Variants in ADAM12 observed in about 807,000 individuals in gnomAD.
ADAM12 encodes the protein disintegrin and metalloproteinase domain-containing protein 12.
ADAM12 carries 70 observed loss-of-function variants against 106.4 expected under a neutral mutation model. That is an observed-to-expected ratio of 0.66 (90% CI 0.54 to 0.80). The LOEUF (loss-of-function observed/expected upper bound fraction) is 0.80. Among genes scored for constraint, ADAM12 ranks in the 30% least tolerant of loss-of-function variants. ADAM12 has a pLI of 0.00. For synonymous variants in ADAM12, 420 were observed against 433.5 expected (o/e 0.97, Z 0.39); for missense variants, 1,010 against 1,171.9 (o/e 0.86, Z 2.02).
At position 126,049,215 on chromosome 10, in the gene ADAM12, A is replaced by T. The variant is rs756562372; in HGVS notation, c.1917+38T>A. On this transcript the variant is annotated intron_variant, in intron 16 of 22. Transcript: ENST00000448723. The surrounding 1 kb of genome is among the most constrained non-coding windows in gnomAD (Gnocchi z 4.4). The stretch of plus-strand genomic sequence containing the variant: ...TGTTTTTCAATGGGCCCTGTTCCAG[A>T]CTTACATTTATGATCCAAGCAAACA... The T allele has an allele frequency of 5.6e-6, 9 of 1,610,526 alleles. No individual in the cohort carries two copies. The South Asian group carries it at 9.9e-5, about 18-fold the overall frequency.
intron 3 of ADAM12, among the ~76,000 whole-genome samples, chr10:126,210,733 G>A (rs1395202265): frequency 1.3e-5 from 2 of 152,172 alleles, no homozygotes; most frequent in African/African-American, 4.8e-5. Flanking sequence ...AGTGAAACCT[G>A]CACTGGAGGA....
intron 11 of ADAM12, 134 bp downstream of exon 11, chr10:126,093,850 TG>T: frequency 7.3e-7 from 1 of 1,376,340 alleles, no homozygotes; most frequent in Non-Finnish European, 1.0e-6. Context: ...CCTTGCTTCT[TG>T]GGAAGGAATT....
At chr10:126,033,929 C>T (rs755523656) in intron 21 of ADAM12, among the ~76,000 whole-genome samples, 1 of 152,168 alleles carries the variant, frequency 6.6e-6, no homozygotes, top group Non-Finnish European at 1.5e-5. Flanking sequence ...AATTTGTCAC[C>T]TACAGATTTG....
intron 4 of ADAM12, among the ~76,000 whole-genome samples, chr10:126,148,704 CAGATGAA>C (rs1956674127): frequency 6.6e-6 from 1 of 152,160 alleles, no homozygotes; most frequent in Non-Finnish European, 1.5e-5. Flanking sequence ...TCCACAGAGT[CAGATGAA>C]GATCAAAATA....
intron 1 of ADAM12, among the ~76,000 whole-genome samples, chr10:126,345,470 T>G (rs975976122): frequency 5.9e-5 from 9 of 152,222 alleles, no homozygotes; most frequent in Non-Finnish European, 5.9e-5. Context: ...TCAGGGATAT[T>G]GGTCTAAAAT....
intron 6 of ADAM12, among the ~76,000 whole-genome samples, chr10:126,112,563 C>T (rs1414103348): frequency 6.6e-6 from 1 of 152,096 alleles, no homozygotes; most frequent in Admixed American, 6.6e-5. Context: ...CTCTCAAAGT[C>T]ATCACAGCCA....
rs117193973 is a variant in ADAM12 at position 126,192,353 on chromosome 10, C to T, written c.261-37048G>A. ...AATAAGTTATAGTTATTACTAACAA[C>T]AAACATACATTGAGCACCCTGTCTG... On this transcript the variant is annotated intron_variant, in intron 3 of 22. Transcript: ENST00000448723. 2.6e-3 allele frequency among the ~76,000 whole-genome samples: 399 copies of T among 152,290 alleles called. 2 individuals are homozygous for T. Among genetic ancestry groups the T allele is most frequent in the African/African-American group, 5.3e-3 (222 of 41,570 alleles).
intron 3 of ADAM12, among the ~76,000 whole-genome samples, chr10:126,205,659 T>G (rs1435104778): frequency 6.6e-6 from 1 of 152,252 alleles, no homozygotes; most frequent in Non-Finnish European, 1.5e-5. Flanking sequence ...ATGCACTCAT[T>G]GCAGTTTCCA....
chr10:126,295,477 G>A (rs867887714), intron 2 of ADAM12, among the ~76,000 whole-genome samples: 5 of 151,772 alleles, frequency 3.3e-5, no homozygotes, highest in Admixed American at 1.3e-4. Context: ...AAACACTACT[G>A]TTCTTACAAT....
intron 3 of ADAM12, among the ~76,000 whole-genome samples, chr10:126,202,263 G>A (rs1957716193): frequency 6.6e-6 from 1 of 152,174 alleles, no homozygotes; most frequent in Non-Finnish European, 1.5e-5. Flanking sequence ...AAATAAACAG[G>A]GCATACCATA....
intron 18 of ADAM12, chr10:126,041,229 CACAAGTACTTGTTTA>C: frequency 1.6e-6 from 1 of 619,814 alleles, no homozygotes; most frequent in Non-Finnish European, 2.0e-6. Flanking sequence ...GTGGCAGACA[CACAAGTACTTGTTTA>C]ATGAGCCCCT....
chr10:126,185,952 G>A (rs985202482), intron 3 of ADAM12, among the ~76,000 whole-genome samples: 1 of 152,162 alleles, frequency 6.6e-6, no homozygotes, highest in Non-Finnish European at 1.5e-5. Flanking sequence ...TCCAAAGTTT[G>A]ATGATATTTT....
intron 3 of ADAM12, among the ~76,000 whole-genome samples, chr10:126,205,094 C>T (rs572728349): frequency 6.6e-6 from 1 of 152,240 alleles, no homozygotes; most frequent in South Asian, 2.1e-4. Flanking sequence ...ATAGCTAATA[C>T]TGTGTGATCT....
intron 21 of ADAM12, among the ~76,000 whole-genome samples, chr10:126,033,995 G>A (rs1423976291): frequency 1.3e-5 from 2 of 152,142 alleles, no homozygotes; most frequent in African/African-American, 4.8e-5. Context: ...GCAAAGTTAA[G>A]TTTTAAAGAT....
At chr10:126,294,677 C>T (rs1419971266) in intron 2 of ADAM12, among the ~76,000 whole-genome samples, 1 of 151,960 alleles carries the variant, frequency 6.6e-6, no homozygotes, top group African/African-American at 2.4e-5. Flanking sequence ...AGCTAACAGA[C>T]GTAGCACGTG....
intron 3 of ADAM12, among the ~76,000 whole-genome samples, chr10:126,183,316 C>T (rs1423419445): frequency 6.6e-6 from 1 of 152,178 alleles, no homozygotes; most frequent in East Asian, 1.9e-4. Flanking sequence ...AAACCACCCC[C>T]TCAACCCCAT....
chr10:126,249,881 G>A (rs1398239270), intron 3 of ADAM12, among the ~76,000 whole-genome samples: 1 of 152,114 alleles, frequency 6.6e-6, no homozygotes, highest in Non-Finnish European at 1.5e-5. Context: ...CTCATTATTG[G>A]AGCACACACC....
chr10:126,235,156 C>T (rs926151041), intron 3 of ADAM12, among the ~76,000 whole-genome samples: 3 of 152,196 alleles, frequency 2.0e-5, no homozygotes, highest in Non-Finnish European at 2.9e-5. Context: ...GTTGGGGCCA[C>T]CCTGGAAGCC....
chr10:126,380,879 T>A (rs1349022007), intron 1 of ADAM12, among the ~76,000 whole-genome samples: 1 of 152,216 alleles, frequency 6.6e-6, no homozygotes, highest in Non-Finnish European at 1.5e-5. Flanking sequence ...ATTCTACACC[T>A]GTCTTTGTAA....
Sources: gnomAD v4.1 joint callset for allele counts (sites outside exome capture counted in the v4.1 genomes callset) on GRCh38, gnomAD v4.1.1 for gene constraint, Gnocchi (gnomAD v3.1) non-coding constraint, MANE v1.5 for transcripts, NCBI Gene and HGNC (gene_info 2026-07-23, HGNC 2026-07-21) for gene names.